Variants in KIAA2012 observed in about 807,000 individuals in gnomAD.
KIAA2012 encodes uncharacterized protein KIAA2012.
Under a neutral mutation model 150.6 loss-of-function variants are expected in KIAA2012, and 125 were observed. The observed-to-expected ratio is 0.83, with a 90% CI of 0.72 to 0.96. The LOEUF is 0.96. KIAA2012 is among the 40% of genes least tolerant of loss of function. The pLI is 0.00. For synonymous variants in KIAA2012, 462 were observed against 504.7 expected (o/e 0.92, Z 1.13); for missense variants, 1,219 against 1,354.9 (o/e 0.90, Z 1.57).
intron 2 of KIAA2012, among the ~76,000 whole-genome samples, chr2:202,088,936 AG>A (rs1371040590): frequency 1.3e-5 from 2 of 152,198 alleles, no homozygotes; most frequent in Non-Finnish European, 1.5e-5. Flanking sequence ...AAGATCACAA[AG>A]TTCCCATGAG....
intron 11 of KIAA2012, chr2:202,115,098 T>C (rs542728068): frequency 4.4e-5 from 7 of 158,114 alleles, no homozygotes; most frequent in African/African-American, 1.7e-4. Context: ...TGGGCTTTTT[T>C]GTTTGTTTGT....
chr2:202,112,034 C>T (rs1007363667), intron 10 of KIAA2012, among the ~76,000 whole-genome samples: 9 of 152,130 alleles, frequency 5.9e-5, no homozygotes, highest in Non-Finnish European at 1.2e-4. Context: ...TATTACTAAG[C>T]TAAAACTCTT....
At chr2:202,185,811 G>C (rs1233024432) in intron 16 of KIAA2012, among the ~76,000 whole-genome samples, 1 of 151,940 alleles carries the variant, frequency 6.6e-6, no homozygotes, top group African/African-American at 2.4e-5. Context: ...GGAAATTAAA[G>C]GTTTTCCAAG....
chr2:202,089,396 G>C (rs1036248979), intron 2 of KIAA2012, among the ~76,000 whole-genome samples: 1 of 152,166 alleles, frequency 6.6e-6, no homozygotes, highest in Non-Finnish European at 1.5e-5. Context: ...TTATTGTTTT[G>C]ACATCAAGCT....
chr2:202,147,207 C>T (rs1691319682), intron 13 of KIAA2012, among the ~76,000 whole-genome samples: 2 of 152,250 alleles, frequency 1.3e-5, no homozygotes, highest in Non-Finnish European at 2.9e-5. Context: ...TCTCTGCCTC[C>T]CAAATATCCT....
rs1009971980 is a variant in KIAA2012, at chr2:202,198,174, C to CAAAAAAAAAAAAAAAAAAAAAAAAAA, written c.3407+1178_3407+1179insAAAAAAAAAAAAAAAAAAAAAAAAAA. ...GGGCGACAAGAGCAAGGCTCTTTCT[C>CAAAAAAAAAAAAAAAAAAAAAAAAAA]AAAAAAAAAAAAAAAAAAAAAAAGG... On this transcript the variant is annotated intron_variant, in intron 22 of 23. Coordinates refer to ENST00000498697, the MANE Select transcript of KIAA2012 (RefSeq NM_001277372.4). 3.0e-5 allele frequency among the ~76,000 whole-genome samples: 2 copies of CAAAAAAAAAAAAAAAAAAAAAAAAAA among 67,136 alleles called. 1 individual carries two copies. Among genetic ancestry groups the CAAAAAAAAAAAAAAAAAAAAAAAAAA allele is most frequent in the Non-Finnish European group, 5.3e-5 (2 of 37,582 alleles). 44.0% of individuals were successfully genotyped at this position (67,136 alleles called of 152,430 possible).
chr2:202,075,122 C>G lies in KIAA2012; in HGVS notation c.316C>G (p.Leu106Val). Residue 106 changes from leucine (L) to valine (V), a missense_variant, in exon 2 of 24, where the codon CTG (leucine) becomes GTG (valine). Transcript: ENST00000498697. ...RGPWRKLDLE[L>V]HTLQDLKEAI... ...TCCCTGGAGGAAGCTGGATCTTGAACTGCACACACTTCAAGACCTCAAAGA... is the reference window on the plus strand; with the variant it reads ...TCCCTGGAGGAAGCTGGATCTTGAAGTGCACACACTTCAAGACCTCAAAGA... 2 of 1,550,340 alleles carry G rather than the reference C, an allele frequency of 1.3e-6. No individual in the cohort carries two copies.
intron 4 of KIAA2012, among the ~76,000 whole-genome samples, chr2:202,095,961 A>G (rs897119577): frequency 1.7e-4 from 26 of 151,988 alleles, no homozygotes; most frequent in Admixed American, 1.4e-3. Flanking sequence ...GTGCATGCCT[A>G]TAATCCCAGC....
intron 15 of KIAA2012, chr2:202,179,815 G>T: frequency 1.6e-6 from 1 of 620,642 alleles, no homozygotes; most frequent in South Asian, 1.4e-5. Flanking sequence ...AACTTCCCTT[G>T]AGAAAAGATA....
At chr2:202,141,269 C>T (rs576160469) in intron 13 of KIAA2012, among the ~76,000 whole-genome samples, 1 of 151,954 alleles carries the variant, frequency 6.6e-6, no homozygotes, top group African/African-American at 2.4e-5. Flanking sequence ...CCCAAGGCAC[C>T]CCTTCCACAC....
intron 15 of KIAA2012, among the ~76,000 whole-genome samples, chr2:202,182,787 A>G (rs1320164730): frequency 6.6e-6 from 1 of 152,064 alleles, no homozygotes; most frequent in Non-Finnish European, 1.5e-5. Context: ...TCCAAACAGC[A>G]GTAGATGAGA....
At position 202,103,508 on chromosome 2, in the gene KIAA2012, A is replaced by G. The variant is rs576663212; in HGVS notation, c.1324+394A>G. ...AAAAAAAAACCTGGGTAAAAGGAGT[A>G]GAGAAATAGATGTTATCAGACATCT... On this transcript the variant is annotated intron_variant, in intron 8 of 23. Coordinates refer to ENST00000498697, the MANE Select transcript of KIAA2012 (RefSeq NM_001277372.4). Among the ~76,000 whole-genome samples the G allele has an allele frequency of 4.5e-4, 69 of 152,294 alleles. 1 individual carries two copies. The highest frequency in any genetic ancestry group is 1.5e-3 in the African/African-American group (63 of 41,572).
intron 13 of KIAA2012, among the ~76,000 whole-genome samples, chr2:202,143,442 T>TG (rs1553558568): frequency 6.9e-6 from 1 of 145,696 alleles, no homozygotes; most frequent in African/African-American, 2.5e-5. Context: ...TGCAACTATG[T>TG]AAAAAAAAAA....
chr2:202,170,225 C>T (rs6716677), intron 15 of KIAA2012, among the ~76,000 whole-genome samples: 4,020 of 152,282 alleles, frequency 0.026, 194 homozygotes, highest in African/African-American at 0.093. Context: ...GATGGGAGCA[C>T]TGCTTTGCCA....
At chr2:202,197,253 C>G (rs1692432371) in intron 22 of KIAA2012, 1 of 627,686 alleles carries the variant, frequency 1.6e-6, no homozygotes, top group African/African-American at 1.8e-5. Context: ...TCTACGTCAA[C>G]CCCCTAGTTT....
In KIAA2012 at chr2:202,109,804, A is replaced by G. The variant is rs1559207293; in HGVS notation, c.1651+15A>G. The stretch of plus-strand genomic sequence containing the variant: ...AGCAGCTCAAGGTAATCATTCCCAG[A>G]GTGCATAGACGCCCCCCACTGGCTT... On this transcript the variant is annotated intron_variant, in intron 10 of 23. Transcript: ENST00000498697. 16 of 1,529,124 alleles carry G rather than the reference A, an allele frequency of 1.0e-5. No homozygotes were observed. Among genetic ancestry groups the G allele is most frequent in the Non-Finnish European group, 1.3e-5 (15 of 1,137,116 alleles). 94.7% of individuals were successfully genotyped at this position (1,529,124 alleles called of 1,614,324 possible).
At chr2:202,108,616 A>G (rs1172891241) in intron 9 of KIAA2012, among the ~76,000 whole-genome samples, 2 of 152,236 alleles carry the variant, frequency 1.3e-5, no homozygotes, top group African/African-American at 4.8e-5. Flanking sequence ...CTATTTCCTC[A>G]TAATGAGATT....
chr2:202,183,935 C>G (rs1417948594), intron 15 of KIAA2012, among the ~76,000 whole-genome samples: 1 of 152,150 alleles, frequency 6.6e-6, no homozygotes, highest in African/African-American at 2.4e-5. Context: ...TTATAGAGTT[C>G]TAACACACTA....
At position 202,187,015 on chromosome 2, in the gene KIAA2012, T is replaced by A; in HGVS notation, c.2293T>A (p.Tyr765Asn). 1 of 1,550,578 alleles carries A rather than the reference T, an allele frequency of 6.4e-7. No individual in the cohort carries two copies. The highest frequency in any genetic ancestry group is 8.7e-7 in the Non-Finnish European group (1 of 1,146,994). Residue 765 changes from tyrosine to asparagine, a missense_variant, in exon 17 of 24, where the codon TAT becomes AAT. Tyr to Asn is a moderately radical substitution (Grantham distance 143). Transcript: ENST00000498697. ...GTCACCCGAGAGGTTGAGTGCTGTGTATACATCTCTTCTTCCAAGAGAAAG... is the reference window on the plus strand; with the variant it reads ...GTCACCCGAGAGGTTGAGTGCTGTGAATACATCTCTTCTTCCAAGAGAAAG... ...PESPERLSAV[Y>N]TSLLPREREG...
Sources: gnomAD v4.1 joint callset for allele counts (sites outside exome capture counted in the v4.1 genomes callset) on GRCh38, gnomAD v4.1.1 for gene constraint, MANE v1.5 for transcripts, NCBI Gene and HGNC (gene_info 2026-07-23, HGNC 2026-07-21) for gene names.